Variants in IL1RAPL2 observed in about 807,000 individuals in gnomAD.
IL1RAPL2 encodes the protein X-linked interleukin-1 receptor accessory protein-like 2.
IL1RAPL2 carries 3 observed loss-of-function variants against 44.1 expected under a neutral mutation model. That is an observed-to-expected ratio of 0.07 (90% CI 0.03 to 0.18). IL1RAPL2 has a LOEUF of 0.18. IL1RAPL2 is among the 10% of genes least tolerant of loss of function. IL1RAPL2 has a pLI of 1.00. For synonymous variants in IL1RAPL2, 181 were observed against 178.8 expected (o/e 1.01, Z -0.10); for missense variants, 391 against 496.4 (o/e 0.79, Z 2.02).
rs961897318 is a variant in IL1RAPL2, at chrX:105,620,957, G to GGC, written c.773-96409_773-96408dup. Reference sequence around the variant, plus strand: ...CCAACCAACATAAGATTGGACCCATGGCCTTGGCTTCTGAGGACAGAATTC... The same window carrying GGC: ...CCAACCAACATAAGATTGGACCCATGGCGCCTTGGCTTCTGAGGACAGAATTC... On this transcript the variant is annotated intron_variant, in intron 6 of 10. Coordinates refer to ENST00000372582, the MANE Select transcript of IL1RAPL2 (RefSeq NM_017416.2). Among the ~76,000 whole-genome samples the GGC allele has an allele frequency of 5.4e-5, 6 of 111,041 alleles. No individual in the cohort carries two copies. In the Admixed American group the frequency reaches 5.8e-4, roughly 11 times the overall value.
intron 6 of IL1RAPL2, among the ~76,000 whole-genome samples, chrX:105,542,035 T>G (rs61705965): frequency 0.068 from 7,539 of 111,524 alleles, 642 homozygotes; most frequent in African/African-American, 0.23. Flanking sequence ...TTTGCCGTTG[T>G]ACATTCAGTT....
intron 6 of IL1RAPL2, among the ~76,000 whole-genome samples, chrX:105,642,862 G>A (rs772607593): frequency 1.4e-4 from 16 of 112,813 alleles, no homozygotes; most frequent in Non-Finnish European, 7.5e-5. Context: ...ACCTAAGCCA[G>A]TTTTCTTCTT....
At chrX:104,728,331 C>G (rs1481555747) in intron 2 of IL1RAPL2, among the ~76,000 whole-genome samples, 1 of 110,816 alleles carries the variant, frequency 9.0e-6, no homozygotes, top group Non-Finnish European at 1.9e-5. Context: ...CAGAAAGAAG[C>G]CAGATGCATG....
chrX:104,793,056 T>C (rs1460250799), intron 2 of IL1RAPL2, among the ~76,000 whole-genome samples: 2 of 112,369 alleles, frequency 1.8e-5, no homozygotes, highest in Non-Finnish European at 1.9e-5. Flanking sequence ...GGTTATATTT[T>C]ACACTTAACA....
intron 2 of IL1RAPL2, among the ~76,000 whole-genome samples, chrX:105,037,512 G>A (rs749300748): frequency 9.0e-6 from 1 of 110,943 alleles, no homozygotes; most frequent in Non-Finnish European, 1.9e-5. Context: ...CCTTCTATGT[G>A]CCAGTCAATA....
In IL1RAPL2 at chrX:104,906,209, G is replaced by C. The variant is rs188916341; in HGVS notation, c.82+247214G>C. Among the ~76,000 whole-genome samples the C allele has an allele frequency of 6.8e-3, 753 of 111,503 alleles. 9 individuals carry two copies. Among genetic ancestry groups the C allele is most frequent in the Middle Eastern group, 0.037 (8 of 218 alleles). On this transcript the variant is annotated intron_variant, in intron 2 of 10. Coordinates refer to ENST00000372582, the MANE Select transcript of IL1RAPL2 (RefSeq NM_017416.2). ...TCAGCTTGAGGAGATTTTGGGCTGA[G>C]ACAATGGGGTTTTGTAGATATACAA...
chrX:105,167,979 A>T (rs2033385839), intron 2 of IL1RAPL2, among the ~76,000 whole-genome samples: 1 of 111,771 alleles, frequency 8.9e-6, no homozygotes. Flanking sequence ...AAAGTCGTAC[A>T]GCCAAGTCAA....
At chrX:105,344,753 T>C (rs1019981129) in intron 5 of IL1RAPL2, among the ~76,000 whole-genome samples, 1 of 111,825 alleles carries the variant, frequency 8.9e-6, no homozygotes, top group Non-Finnish European at 1.9e-5. Context: ...CAGAATAGTC[T>C]AATTGAAGAA....
At chrX:105,108,831 T>C (rs1406334529) in intron 2 of IL1RAPL2, among the ~76,000 whole-genome samples, 1 of 111,674 alleles carries the variant, frequency 9.0e-6, no homozygotes, top group Non-Finnish European at 1.9e-5. Context: ...ATTAGATAAT[T>C]TCATGCCCTT....
intron 5 of IL1RAPL2, among the ~76,000 whole-genome samples, chrX:105,300,266 A>G (rs1489153860): frequency 8.9e-6 from 1 of 111,746 alleles, no homozygotes; most frequent in African/African-American, 3.3e-5. Context: ...CAGGCTATAC[A>G]GGAAGCATAA....
At chrX:105,357,757 G>A (rs1041152525) in intron 5 of IL1RAPL2, among the ~76,000 whole-genome samples, 3 of 109,746 alleles carry the variant, frequency 2.7e-5, no homozygotes, top group African/African-American at 6.6e-5. Flanking sequence ...AGACATTTTC[G>A]CTTTCATGAA....
At chrX:105,498,770 T>G (rs2036372841) in intron 6 of IL1RAPL2, among the ~76,000 whole-genome samples, 1 of 111,409 alleles carries the variant, frequency 9.0e-6, no homozygotes, top group African/African-American at 3.3e-5. Flanking sequence ...CTTCAACAAA[T>G]GTACCAGGAC....
At chrX:104,622,497 G>A (rs994905523) in intron 1 of IL1RAPL2, among the ~76,000 whole-genome samples, 3 of 107,090 alleles carry the variant, frequency 2.8e-5, no homozygotes, top group Admixed American at 9.8e-5. Flanking sequence ...ATGCAAACTT[G>A]TGCTTTTTTT....
intron 6 of IL1RAPL2, among the ~76,000 whole-genome samples, chrX:105,511,232 A>G (rs886079334): frequency 8.9e-6 from 1 of 111,747 alleles, no homozygotes; most frequent in Non-Finnish European, 1.9e-5. Flanking sequence ...AGAAAAGGTC[A>G]TTGGTCATGT....
chrX:105,610,856 C>T (rs954431106), intron 6 of IL1RAPL2, among the ~76,000 whole-genome samples: 3 of 96,072 alleles, frequency 3.1e-5, no homozygotes, highest in East Asian at 3.3e-4. Context: ...GTTATTTTGG[C>T]GTGTACTCCT....
At position 105,065,598 on chromosome X, in the gene IL1RAPL2, G is replaced by T. The variant is rs747543133; in HGVS notation, c.83-129877G>T. Among the ~76,000 whole-genome samples, 2 of 111,660 alleles carry T rather than the reference G, an allele frequency of 1.8e-5. 1 individual carries two copies. The highest frequency in any genetic ancestry group is 5.6e-4 in the East Asian group (2 of 3,543). Reference sequence around the variant, plus strand: ...TACTGGTAGTCTTGGAAAATAGATAGAACTGATGAGTATGAAGAACATTGC... The same window carrying T: ...TACTGGTAGTCTTGGAAAATAGATATAACTGATGAGTATGAAGAACATTGC... On this transcript the variant is annotated intron_variant, in intron 2 of 10. Coordinates refer to ENST00000372582, the MANE Select transcript of IL1RAPL2 (RefSeq NM_017416.2).
intron 2 of IL1RAPL2, among the ~76,000 whole-genome samples, chrX:104,776,239 G>A (rs959706674): frequency 2.7e-5 from 3 of 112,208 alleles, no homozygotes; most frequent in African/African-American, 9.7e-5. Context: ...TTGCAGTAGT[G>A]CATAGAAGGA....
At chrX:104,939,288 C>T (rs1925104459) in intron 2 of IL1RAPL2, among the ~76,000 whole-genome samples, 1 of 110,782 alleles carries the variant, frequency 9.0e-6, no homozygotes, top group African/African-American at 3.3e-5. Flanking sequence ...AACTCCTGAC[C>T]TCAGATGATC....
At chrX:104,810,615 A>G (rs1932968777) in intron 2 of IL1RAPL2, among the ~76,000 whole-genome samples, 1 of 111,189 alleles carries the variant, frequency 9.0e-6, no homozygotes, top group Admixed American at 9.6e-5. Flanking sequence ...ATGATGGGAG[A>G]TGATATGCGT....
Sources: gnomAD v4.1 joint callset for allele counts (sites outside exome capture counted in the v4.1 genomes callset) on GRCh38, gnomAD v4.1.1 for gene constraint, MANE v1.5 for transcripts, NCBI Gene and HGNC (gene_info 2026-07-23, HGNC 2026-07-21) for gene names.